The following CDH23 variants were observed in gnomAD, a reference collection of about 807,000 sequenced individuals.
CDH23 encodes the protein cadherin related 23.
Under a neutral mutation model 317.1 loss-of-function variants are expected in CDH23, and 189 were observed. The ratio of observed to expected loss-of-function variants is 0.60; its 90% confidence interval spans 0.53 to 0.67. The LOEUF is 0.67. CDH23 is among the 30% of genes least tolerant of loss of function. The pLI, the probability that CDH23 is intolerant of heterozygous loss-of-function variation, is 0.00. For missense variants in CDH23, 4,401 were observed against 4,592.4 expected, an observed-to-expected ratio of 0.96 and a Z score of 1.20; for synonymous variants, 1,839 against 1,876.8, an observed-to-expected ratio of 0.98 and a Z score of 0.52.
In CDH23 at chr10:71,788,798, A is replaced by G. The variant is rs561879811; in HGVS notation, c.5821-142A>G. 284 of 615,334 alleles carry G rather than the reference A, an allele frequency of 4.6e-4. 1 individual carries two copies. In the African/African-American group the frequency reaches 4.9e-3, roughly 11 times the overall value. 38.1% of individuals were successfully genotyped at this position (615,334 alleles called of 1,614,324 possible). ...TGCCCTCTTGTATGTCTTCTTTTGAAAAATGTGAGTTCATGTTGGTGTGGG... is the reference window on the plus strand; with the variant it reads ...TGCCCTCTTGTATGTCTTCTTTTGAGAAATGTGAGTTCATGTTGGTGTGGG... On this transcript the variant is annotated intron_variant, in intron 44 of 69. Transcript: ENST00000224721.
intron 3 of CDH23, among the ~76,000 whole-genome samples, chr10:71,472,139 C>T (rs1851547270): frequency 1.3e-5 from 2 of 152,172 alleles, no homozygotes; most frequent in Admixed American, 1.3e-4. Flanking sequence ...GGGAGCTGAC[C>T]CCATGGGCTG....
intron 27 of CDH23, among the ~76,000 whole-genome samples, chr10:71,710,088 G>A (rs1865920484): frequency 6.6e-6 from 1 of 152,178 alleles, no homozygotes; most frequent in African/African-American, 2.4e-5. Context: ...ACAACATGTG[G>A]AAATTATGGG....
chr10:71,637,843 C>G (rs144657453), intron 11 of CDH23, among the ~76,000 whole-genome samples: 1 of 151,502 alleles, frequency 6.6e-6, no homozygotes, highest in Non-Finnish European at 1.5e-5. Context: ...CCCCCTACCC[C>G]CCGACCCCAA....
Position 71,397,292 on chromosome 10 carries a change from C to CGAG in CDH23, c.-31_-30insAGG, listed in dbSNP as rs1847563052. The CGAG allele has an allele frequency of 1.1e-5, 2 of 175,184 alleles. No homozygotes were observed. The highest frequency in any genetic ancestry group is 2.5e-5 in the Non-Finnish European group (2 of 81,306). The allele number at this position is 175,184 out of a possible 1,614,324, so 10.9% of individuals were successfully genotyped here. On this transcript the variant is annotated 5_prime_UTR_variant, in exon 1 of 70. Transcript: ENST00000224721. The surrounding 1 kb of genome is among the most constrained non-coding windows in gnomAD (Gnocchi z 4.8). ...GAGCAGAGCCCGAGGCGAGGCGAGG[C>CGAG]GCGGCGCCGCTGCACACACGCACAC...
intron 3 of CDH23, among the ~76,000 whole-genome samples, chr10:71,492,784 G>A (rs1040668404): frequency 2.6e-5 from 4 of 152,216 alleles, no homozygotes; most frequent in African/African-American, 9.7e-5. Flanking sequence ...CCAGAGGATC[G>A]AAGGCCAGTA....
Position 71,640,609 on chromosome 10 carries a change from G to A in CDH23, c.1135-3252G>A, listed in dbSNP as rs190070714. Among the ~76,000 whole-genome samples, 76 of 152,316 alleles carry A rather than the reference G, an allele frequency of 5.0e-4. No individual in the cohort carries two copies. The East Asian group carries it at 7.1e-3, about 14-fold the overall frequency. ...CTAAAAATACAAAAATTCCCCGGGCGTGGTGGCGCATGCCTGTAATCCCAG... is the reference window on the plus strand; with the variant it reads ...CTAAAAATACAAAAATTCCCCGGGCATGGTGGCGCATGCCTGTAATCCCAG... On this transcript the variant is annotated intron_variant, in intron 11 of 69. Coordinates refer to ENST00000224721, the MANE Select transcript of CDH23 (RefSeq NM_022124.6).
chr10:71,811,805 C>T, intron 65 of CDH23, 52 bp downstream of exon 65: 3 of 1,511,844 alleles, frequency 2.0e-6, no homozygotes, highest in Non-Finnish European at 2.6e-6. Flanking sequence ...GGGCTGGGGA[C>T]CTGGAGTGCC....
intron 26 of CDH23, chr10:71,707,388 G>A: frequency 7.4e-7 from 1 of 1,352,428 alleles, no homozygotes; most frequent in Non-Finnish European, 9.5e-7. Context: ...CCAAGTCTGG[G>A]TGACAGAGCA....
At chr10:71,805,396 T>C (rs1841681557) in intron 55 of CDH23, among the ~76,000 whole-genome samples, 3 of 152,180 alleles carry the variant, frequency 2.0e-5, no homozygotes, top group Non-Finnish European at 2.9e-5. Flanking sequence ...AATTCCTGTG[T>C]TTGGGGTAGC....
At chr10:71,708,983 C>T (rs1281048745) in intron 26 of CDH23, 115 bp from the exon 27 acceptor site, 34 of 929,646 alleles carry the variant, frequency 3.7e-5, no homozygotes, top group Non-Finnish European at 5.8e-5. Flanking sequence ...ATCAGCAGCA[C>T]AGCCTCCCAC....
chr10:71,419,451 C>CA (rs1848655997), intron 1 of CDH23, among the ~76,000 whole-genome samples: 1 of 152,166 alleles, frequency 6.6e-6, no homozygotes, highest in Non-Finnish European at 1.5e-5. Flanking sequence ...GACATTACCC[C>CA]ATGGAAAGTC....
Position 71,688,992 on chromosome 10 carries a change from GA to G in CDH23, c.2059+1274del, listed in dbSNP as rs1255593679. ...GGAGTCCAGGGGTGGTGGAGTCAGG[GA>G]TGGTGGAGCCAGGGGTGGTGGAGTC... is the stretch of plus-strand genomic sequence containing the variant. On this transcript the variant is annotated intron_variant, in intron 19 of 69. Coordinates refer to ENST00000224721, the MANE Select transcript of CDH23 (RefSeq NM_022124.6). 1.8e-4 allele frequency among the ~76,000 whole-genome samples: 9 copies of G among 50,850 alleles called. 2 individuals are homozygous for G. Among genetic ancestry groups the G allele is most frequent in the Non-Finnish European group, 2.4e-4 (5 of 21,198 alleles). The allele number at this position is 50,850 out of a possible 152,430, so 33.4% of individuals were successfully genotyped here.
At chr10:71,674,856 G>C (rs1022022074) in intron 14 of CDH23, among the ~76,000 whole-genome samples, 1 of 152,216 alleles carries the variant, frequency 6.6e-6, no homozygotes, top group Non-Finnish European at 1.5e-5. Context: ...ATGGAGGAGG[G>C]CCTCCCTGGG....
chr10:71,593,087 C>T (rs1474002665), intron 9 of CDH23, among the ~76,000 whole-genome samples: 2 of 152,194 alleles, frequency 1.3e-5, no homozygotes, highest in Non-Finnish European at 2.9e-5. Flanking sequence ...TGGGGCCATG[C>T]GTGGGGCAGG....
chr10:71,677,537 G>C lies in CDH23; in HGVS notation c.1596G>C (p.Thr532=). 1 of 1,612,178 alleles carries C rather than the reference G, an allele frequency of 6.2e-7. No homozygotes were observed. Among genetic ancestry groups the C allele is most frequent in the Non-Finnish European group, 8.5e-7 (1 of 1,179,366 alleles). ...DYELIQRFTL[T]IIARDGGGEE... Reference sequence around the variant, plus strand: ...AGCTCATCCAGCGCTTCACCCTGACGATCATTGCCCGGGACGGGGGCGGCG... The same window carrying C: ...AGCTCATCCAGCGCTTCACCCTGACCATCATTGCCCGGGACGGGGGCGGCG... The change falls in exon 16 of 70, where the codon ACG becomes ACC. Residue 532 remains threonine (T), a synonymous_variant. Coordinates refer to ENST00000224721, the MANE Select transcript of CDH23 (RefSeq NM_022124.6).
chr10:71,804,492 C>G (rs1179078184), intron 55 of CDH23, among the ~76,000 whole-genome samples: 1 of 152,204 alleles, frequency 6.6e-6, no homozygotes, highest in Non-Finnish European at 1.5e-5. Flanking sequence ...CACCCAGGCT[C>G]CACATCTCAG....
At chr10:71,646,257 G>A (rs1375084087) in intron 13 of CDH23, among the ~76,000 whole-genome samples, 2 of 152,214 alleles carry the variant, frequency 1.3e-5, no homozygotes, top group African/African-American at 4.8e-5. Context: ...GCCCCTGCTA[G>A]CTCCTCCTGC....
chr10:71,558,735 A>G (rs142595520), intron 6 of CDH23, among the ~76,000 whole-genome samples: 4 of 152,334 alleles, frequency 2.6e-5, no homozygotes. Context: ...GGGCTCCATT[A>G]TGGGATGATT....
intron 3 of CDH23, among the ~76,000 whole-genome samples, chr10:71,491,229 TG>T (rs1852640365): frequency 6.6e-6 from 1 of 152,152 alleles, no homozygotes; most frequent in African/African-American, 2.4e-5. Flanking sequence ...ATGATGGGGT[TG>T]GGGTACTTTG....
Sources: allele counts gnomAD v4.1 joint callset (sites outside exome capture counted in the v4.1 genomes callset), GRCh38; gene constraint gnomAD v4.1.1; non-coding constraint Gnocchi (gnomAD v3.1); transcripts MANE v1.5; gene names NCBI Gene and HGNC (gene_info 2026-07-23, HGNC 2026-07-21).